Variants in COMMD1 observed in about 807,000 individuals in gnomAD.
COMMD1 encodes the protein copper metabolism domain containing 1.
Under a neutral mutation model 17.2 loss-of-function variants are expected in COMMD1, and 10 were observed. The ratio of observed to expected loss-of-function variants is 0.58; its 90% confidence interval spans 0.36 to 0.99. The LOEUF is 0.99. Ranked by LOEUF, COMMD1 falls within the 50% of genes least tolerant of loss-of-function variation. The pLI is 0.01. For synonymous variants in COMMD1, 97 were observed against 91.6 expected, an observed-to-expected ratio of 1.06 and a Z score of -0.34; for missense variants, 270 against 231.8, an observed-to-expected ratio of 1.17 and a Z score of -1.07.
chr2:61,991,616 A>G (rs1285689592), intron 1 of COMMD1, among the ~76,000 whole-genome samples: 4 of 152,160 alleles, frequency 2.6e-5, no homozygotes, highest in Non-Finnish European at 5.9e-5. Context: ...GTATTGGGGA[A>G]GCCATACTTG....
At chr2:61,888,487 G>C (rs1669315272), upstream of COMMD1, 5 of 1,612,138 alleles carry the variant, frequency 3.1e-6, no homozygotes, top group Non-Finnish European at 4.2e-6. Context: ...CCCCGCTCCG[G>C]GGTGCCACAT....
chr2:61,970,330 A>T (rs1209040413), intron 1 of COMMD1, among the ~76,000 whole-genome samples: 1 of 152,016 alleles, frequency 6.6e-6, no homozygotes, highest in Non-Finnish European at 1.5e-5. Flanking sequence ...ATTTTAAAAA[A>T]TTATTAAAAA....
At chr2:62,001,791 C>T (rs1435474414) in intron 2 of COMMD1, among the ~76,000 whole-genome samples, 1 of 152,080 alleles carries the variant, frequency 6.6e-6, no homozygotes, top group Non-Finnish European at 1.5e-5. Context: ...TACATATTTT[C>T]TTTTATAGTT....
At chr2:62,128,950 TAAAA>T (rs5831628) in intron 2 of COMMD1, among the ~76,000 whole-genome samples, 4 of 130,376 alleles carry the variant, frequency 3.1e-5, no homozygotes, top group South Asian at 2.5e-4. Flanking sequence ...AAACTCCATC[TAAAA>T]AAAAAAAAAA....
intron 1 of COMMD1, among the ~76,000 whole-genome samples, chr2:61,985,798 T>G (rs1344779462): frequency 6.6e-6 from 1 of 152,184 alleles, no homozygotes; most frequent in Non-Finnish European, 1.5e-5. Flanking sequence ...TTAACTGTTT[T>G]TTGTTTCTAT....
At chr2:61,940,766 A>C (rs1670723046) in intron 1 of COMMD1, among the ~76,000 whole-genome samples, 1 of 149,070 alleles carries the variant, frequency 6.7e-6, no homozygotes, top group Non-Finnish European at 1.5e-5. Context: ...GGCTCACTGC[A>C]AGCTCCGCCT....
intron 2 of COMMD1, among the ~76,000 whole-genome samples, chr2:62,061,701 G>A (rs771220799): frequency 3.3e-5 from 5 of 151,424 alleles, no homozygotes; most frequent in Non-Finnish European, 7.4e-5. Flanking sequence ...GACTACAGGC[G>A]CCCACCACCA....
At chr2:62,039,055 C>G (rs188442311) in intron 2 of COMMD1, among the ~76,000 whole-genome samples, 4 of 152,302 alleles carry the variant, frequency 2.6e-5, no homozygotes, top group Non-Finnish European at 5.9e-5. Flanking sequence ...TTAACTTTCT[C>G]TGCCATTCCC....
In COMMD1 at chr2:61,905,730, G is replaced by A; in HGVS notation, c.52G>A (p.Ala18Thr). Residue 18 changes from alanine to threonine, a missense_variant, in exon 1 of 3, where the codon GCG becomes ACG. Coordinates refer to ENST00000311832, the MANE Select transcript of COMMD1 (RefSeq NM_152516.4). ...GGKPLSGLLN[A>T]LAQDTFHGYP... ...CAAACCCCTGAGCGGGCTGCTGAAT[G>A]CGCTGGCCCAGGACACTTTCCACGG... The A allele has an allele frequency of 3.1e-6, 5 of 1,611,452 alleles. No individual in the cohort carries two copies. The highest frequency in any genetic ancestry group is 1.1e-5 in the South Asian group (1 of 90,634).
chr2:62,066,465 T>A (rs1352218456), intron 2 of COMMD1, among the ~76,000 whole-genome samples: 4 of 150,080 alleles, frequency 2.7e-5, no homozygotes, highest in African/African-American at 9.9e-5. Context: ...AGATGGAGTC[T>A]CGCTCTGTCA....
intron 2 of COMMD1, among the ~76,000 whole-genome samples, chr2:62,129,232 A>G (rs751764726): frequency 6.6e-6 from 1 of 152,200 alleles, no homozygotes; most frequent in Non-Finnish European, 1.5e-5. Context: ...GATACCCTAC[A>G]TAGAAAATAT....
intron 1 of COMMD1, among the ~76,000 whole-genome samples, chr2:61,898,092 C>T (rs774608317): frequency 2.6e-4 from 39 of 152,132 alleles, no homozygotes; most frequent in Non-Finnish European, 5.4e-4. Context: ...TGTAATTTTC[C>T]CTTACCAGAA....
At chr2:62,048,186 T>C (rs971536759) in intron 2 of COMMD1, among the ~76,000 whole-genome samples, 4 of 148,544 alleles carry the variant, frequency 2.7e-5, no homozygotes, top group Middle Eastern at 3.2e-3. Context: ...AAATTTCTTT[T>C]TTTTTTTTTT....
At position 61,913,816 on chromosome 2, in the gene COMMD1, A is replaced by AAAAAAAAAG. The variant is rs756118056; in HGVS notation, c.180+7959_180+7960insAAAAAAAGA. ...ATCTCCAAAAAAAAAAAAAAAAAAA[A>AAAAAAAAAG]AGAAAAGTGTGTTAACCTCTGTTCC... On this transcript the variant is annotated intron_variant, in intron 1 of 2. Transcript: ENST00000311832. 9.0e-5 allele frequency among the ~76,000 whole-genome samples: 9 copies of AAAAAAAAAG among 100,194 alleles called. 1 individual carries two copies. The highest frequency in any genetic ancestry group is 2.8e-4 in the Admixed American group (2 of 7,090). The allele number at this position is 100,194 out of a possible 152,430, so 65.7% of individuals were successfully genotyped here. A position where few individuals can be genotyped will look rare whatever the true frequency, so the allele number is the denominator to read the frequency against.
chr2:61,935,771 A>G (rs1670592527), intron 1 of COMMD1, among the ~76,000 whole-genome samples: 1 of 152,162 alleles, frequency 6.6e-6, no homozygotes. Context: ...AATCATTTAT[A>G]TAAGTGCAGC....
chr2:62,135,894 T>G lies in COMMD1; in HGVS notation c.526T>G (p.Ser176Ala). 6.2e-7 allele frequency: 1 copy of G among 1,605,856 alleles called. No individual in the cohort carries two copies. Among genetic ancestry groups the G allele is most frequent in the Non-Finnish European group, 8.5e-7 (1 of 1,172,460 alleles). ...AGTCAACCAAATTCTGAAGACGCTGTCAGAGGTAGAAGAAAGTATCAGCAC... is the reference window on the plus strand; with the variant it reads ...AGTCAACCAAATTCTGAAGACGCTGGCAGAGGTAGAAGAAAGTATCAGCAC... ...VKVNQILKTLSEVEESISTLI... is the reference protein window; with the variant it reads ...VKVNQILKTLAEVEESISTLI... The change falls in exon 3 of 3, where the codon TCA becomes GCA. Residue 176 changes from serine (S) to alanine (A), a missense_variant. Physicochemically the swap from Ser to Ala is moderately conservative, Grantham distance 99. Transcript: ENST00000311832.
At chr2:61,983,069 A>G in intron 1 of COMMD1, among the ~76,000 whole-genome samples, 1 of 152,064 alleles carries the variant, frequency 6.6e-6, no homozygotes, top group East Asian at 1.9e-4. Flanking sequence ...TCACCTCCTC[A>G]ATTTTTTGGA....
intron 2 of COMMD1, among the ~76,000 whole-genome samples, chr2:62,019,793 C>T (rs749143593): frequency 2.0e-5 from 3 of 152,150 alleles, no homozygotes; most frequent in Non-Finnish European, 4.4e-5. Context: ...ATTTTTCTCT[C>T]TCCCAACTCA....
At chr2:62,000,270 ATTTTTT>A (rs370727672) in intron 1 of COMMD1, among the ~76,000 whole-genome samples, 2 of 127,326 alleles carry the variant, frequency 1.6e-5, no homozygotes, top group Non-Finnish European at 3.3e-5. Context: ...ATTTCAGTGA[ATTTTTT>A]TTTTTTTTTT....
Sources: allele counts gnomAD v4.1 joint callset (sites outside exome capture counted in the v4.1 genomes callset), GRCh38; gene constraint gnomAD v4.1.1; transcripts MANE v1.5; gene names NCBI Gene and HGNC (gene_info 2026-07-23, HGNC 2026-07-21).